Variants in LRP1B observed in about 807,000 individuals in gnomAD.
LRP1B encodes low-density lipoprotein receptor-related protein 1B.
Under a neutral mutation model 556.6 loss-of-function variants are expected in LRP1B, and 217 were observed. The ratio of observed to expected loss-of-function variants is 0.39; its 90% CI spans 0.35 to 0.44. LRP1B has a LOEUF of 0.44. Ranked by LOEUF, LRP1B falls within the 20% of genes least tolerant of loss-of-function variation. The probability of loss-of-function intolerance (pLI) is 1.00; values close to 1 mark genes in which losing one functional copy is unlikely to be tolerated. For synonymous variants in LRP1B, 2,047 were observed against 1,865.8 expected (o/e 1.10, Z -2.50); for missense variants, 5,053 against 5,620.8 (o/e 0.90, Z 3.23).
intron 66 of LRP1B, among the ~76,000 whole-genome samples, chr2:140,436,905 C>G (rs1686208745): frequency 6.6e-6 from 1 of 152,098 alleles, no homozygotes; most frequent in African/African-American, 2.4e-5. Context: ...ATACTGGATG[C>G]ACACAACATT....
intron 63 of LRP1B, among the ~76,000 whole-genome samples, chr2:140,447,455 A>T (rs566678999): frequency 1.3e-5 from 2 of 152,158 alleles, no homozygotes; most frequent in Admixed American, 6.5e-5. Flanking sequence ...GTAGTCTATT[A>T]AGTGTGCAAT....
chr2:141,456,826 T>C (rs1163285909), intron 3 of LRP1B, among the ~76,000 whole-genome samples: 2 of 152,278 alleles, frequency 1.3e-5, no homozygotes, highest in African/African-American at 4.8e-5. Context: ...TTGACACTGA[T>C]CCAGGAAGTC....
rs1387373028 is a variant in LRP1B, at chr2:140,373,149, A to C, written c.10639-12T>G. Reference sequence around the variant, plus strand: ...GTCTCACAATTTCTCTATGAAAAACAACAGAGATATAATCAAAATTAAAAT... The same window carrying C: ...GTCTCACAATTTCTCTATGAAAAACCACAGAGATATAATCAAAATTAAAAT... On this transcript the variant is annotated splice_polypyrimidine_tract_variant and intron_variant, in intron 68 of 90. Coordinates refer to ENST00000389484, the MANE Select transcript of LRP1B (RefSeq NM_018557.3). 1.2e-6 allele frequency: 2 copies of C among 1,611,128 alleles called. No individual in the cohort carries two copies. Among genetic ancestry groups the C allele is most frequent in the East Asian group, 4.5e-5 (2 of 44,680 alleles).
intron 66 of LRP1B, among the ~76,000 whole-genome samples, chr2:140,438,472 A>G (rs913341072): frequency 6.6e-6 from 1 of 152,214 alleles, no homozygotes; most frequent in Non-Finnish European, 1.5e-5. Context: ...TGTAGCTTAT[A>G]ACTTATAAAT....
At chr2:140,527,674 C>T (rs1429470751) in intron 47 of LRP1B, among the ~76,000 whole-genome samples, 3 of 13,866 alleles carry the variant, frequency 2.2e-4, no homozygotes, top group Non-Finnish European at 5.1e-4. Flanking sequence ...TGTTCCAAAA[C>T]GGAAAAAAGT....
At chr2:141,114,384 T>G (rs905602642) in intron 7 of LRP1B, among the ~76,000 whole-genome samples, 1 of 152,174 alleles carries the variant, frequency 6.6e-6, no homozygotes, top group Non-Finnish European at 1.5e-5. Flanking sequence ...CAGACTTAGA[T>G]GATGAATTCA....
chr2:140,813,575 C>G lies in LRP1B; in HGVS notation c.5359+82G>C, dbSNP rs1691001325. The stretch of plus-strand genomic sequence containing the variant: ...AGTTCTGGTGTTAGTGGAGCAGTAA[C>G]TTTCCTAAGCTTTTAACAGGTCATA... On this transcript the variant is annotated intron_variant, in intron 32 of 90. Coordinates refer to ENST00000389484, the MANE Select transcript of LRP1B (RefSeq NM_018557.3). The G allele has an allele frequency of 3.1e-6, 4 of 1,290,720 alleles. No homozygotes were observed. In the African/African-American group the frequency reaches 4.5e-5, roughly 14 times the overall value. 80.0% of individuals were successfully genotyped at this position (1,290,720 alleles called of 1,614,324 possible). A position where few individuals can be genotyped will look rare whatever the true frequency, so the allele number is the denominator to read the frequency against.
At chr2:141,502,415 T>A (rs1683748967) in intron 2 of LRP1B, among the ~76,000 whole-genome samples, 1 of 152,212 alleles carries the variant, frequency 6.6e-6, no homozygotes, top group African/African-American at 2.4e-5. Flanking sequence ...TTCATTTTTT[T>A]AATCAAAAGA....
chr2:141,096,162 T>G (rs1008677705), intron 7 of LRP1B, among the ~76,000 whole-genome samples: 6 of 152,180 alleles, frequency 3.9e-5, no homozygotes, highest in Admixed American at 3.3e-4. Flanking sequence ...AAATATGTTA[T>G]AATAAATTAG....
intron 2 of LRP1B, among the ~76,000 whole-genome samples, chr2:141,482,012 T>A (rs2105093064): frequency 6.6e-6 from 1 of 152,234 alleles, no homozygotes; most frequent in South Asian, 2.1e-4. Context: ...AATTTCATGT[T>A]TTACCTTCCC....
At chr2:141,098,280 C>G (rs898634146) in intron 7 of LRP1B, among the ~76,000 whole-genome samples, 3 of 151,914 alleles carry the variant, frequency 2.0e-5, no homozygotes, top group African/African-American at 7.3e-5. Context: ...TGAATTTGAA[C>G]AGAAAAAAAT....
At chr2:140,639,322 T>C (rs1367717684) in intron 41 of LRP1B, among the ~76,000 whole-genome samples, 2 of 152,224 alleles carry the variant, frequency 1.3e-5, no homozygotes, top group Non-Finnish European at 2.9e-5. Context: ...TTTTTGACCA[T>C]TGTTGAACAT....
chr2:140,731,764 C>CCAA (rs1687787860), intron 35 of LRP1B, among the ~76,000 whole-genome samples: 1 of 59,388 alleles, frequency 1.7e-5, no homozygotes, highest in South Asian at 7.0e-4. Flanking sequence ...GAGACTCCGT[C>CCAA]AAAAAAAAAA....
intron 1 of LRP1B, among the ~76,000 whole-genome samples, chr2:141,983,609 A>G (rs1280674591): frequency 9.9e-5 from 15 of 152,218 alleles, no homozygotes; most frequent in African/African-American, 3.6e-4. Flanking sequence ...CTCTCCAGGC[A>G]TCTTTCTTTT....
chr2:140,984,914 AC>A (rs1171825260), intron 17 of LRP1B, among the ~76,000 whole-genome samples: 2 of 152,108 alleles, frequency 1.3e-5, no homozygotes, highest in African/African-American at 2.4e-5. Context: ...AATCAAGTTG[AC>A]TAAATTATCA....
At chr2:140,517,054 T>G in intron 49 of LRP1B, 43 bp from the exon 50 acceptor site, 2 of 1,423,986 alleles carry the variant, frequency 1.4e-6, no homozygotes, top group Non-Finnish European at 2.0e-6. Context: ...ATTTTAGACT[T>G]CTGAAATATA....
At chr2:141,157,320 A>G (rs1702091994) in intron 7 of LRP1B, among the ~76,000 whole-genome samples, 1 of 152,112 alleles carries the variant, frequency 6.6e-6, no homozygotes, top group Non-Finnish European at 1.5e-5. Context: ...TACTTCATAT[A>G]TATAAAATAT....
chr2:140,827,518 A>C (rs985994692), intron 31 of LRP1B, among the ~76,000 whole-genome samples: 1 of 152,018 alleles, frequency 6.6e-6, no homozygotes, highest in Non-Finnish European at 1.5e-5. Flanking sequence ...TGGATCAAGC[A>C]GAAGAAAATA....
chr2:141,220,840 G>A (rs541818881), intron 6 of LRP1B, among the ~76,000 whole-genome samples: 1 of 151,652 alleles, frequency 6.6e-6, no homozygotes, highest in East Asian at 1.9e-4. Flanking sequence ...ATAAGGAAAG[G>A]GGAAACAAAA....
Sources: allele counts gnomAD v4.1 joint callset (sites outside exome capture counted in the v4.1 genomes callset), GRCh38; gene constraint gnomAD v4.1.1; transcripts MANE v1.5; gene names NCBI Gene and HGNC (gene_info 2026-07-23, HGNC 2026-07-21).